The following TMTC2 variants were observed in gnomAD, a reference collection of about 807,000 sequenced individuals.
The protein encoded by TMTC2 is protein O-mannosyl-transferase TMTC2.
TMTC2 carries 43 observed loss-of-function variants against 82.4 expected under a neutral mutation model. That is an observed-to-expected ratio of 0.52 (90% confidence interval 0.41 to 0.67). The LOEUF is 0.67. Among genes scored for constraint, TMTC2 ranks in the 30% least tolerant of loss-of-function variants. TMTC2 has a pLI of 0.00. For missense variants in TMTC2, 919 were observed against 1,012.4 expected, an observed-to-expected ratio of 0.91 and a Z score of 1.25; for synonymous variants, 408 against 381.9, an observed-to-expected ratio of 1.07 and a Z score of -0.80.
At position 82,857,400 on chromosome 12, in the gene TMTC2, C is replaced by A; in HGVS notation, c.474C>A (p.His158Gln). 1 of 1,614,202 alleles carries A rather than the reference C, an allele frequency of 6.2e-7. No homozygotes were observed. Among genetic ancestry groups the A allele is most frequent in the Non-Finnish European group, 8.5e-7 (1 of 1,180,040 alleles). The change falls in exon 2 of 12, where the codon CAC (histidine) becomes CAA (glutamine). Residue 158 changes from histidine (H) to glutamine (Q), a missense_variant. Physicochemically the swap from His to Gln is conservative, Grantham distance 24. Transcript: ENST00000321196. ...FLLSLLCYIK[H>Q]CSTRGYSART... ...TCTCCTTGCTCTGCTACATTAAACACTGTTCTACAAGAGGCTACTCAGCCA... is the reference window on the plus strand; with the variant it reads ...TCTCCTTGCTCTGCTACATTAAACAATGTTCTACAAGAGGCTACTCAGCCA...
intron 11 of TMTC2, among the ~76,000 whole-genome samples, chr12:83,104,770 G>A (rs1884340883): frequency 6.6e-6 from 1 of 152,188 alleles, no homozygotes; most frequent in Non-Finnish European, 1.5e-5. Context: ...AATACCTCTA[G>A]CAAGTGGTTG....
At chr12:83,069,000 T>A (rs1883015944) in intron 11 of TMTC2, among the ~76,000 whole-genome samples, 2 of 152,274 alleles carry the variant, frequency 1.3e-5, no homozygotes, top group East Asian at 3.9e-4. Context: ...AGAATAATAG[T>A]CTCCAGTCTC....
At chr12:82,928,726 G>T (rs1049315761) in intron 3 of TMTC2, among the ~76,000 whole-genome samples, 1 of 152,156 alleles carries the variant, frequency 6.6e-6, no homozygotes, top group South Asian at 2.1e-4. Flanking sequence ...CTCATCTGGG[G>T]AATGGGCACT....
At chr12:82,875,952 G>A (rs1002546853) in intron 2 of TMTC2, among the ~76,000 whole-genome samples, 2 of 143,904 alleles carry the variant, frequency 1.4e-5, no homozygotes, top group African/African-American at 5.1e-5. Flanking sequence ...TGTTGTAGCA[G>A]TTTAGTATCT....
At position 82,867,078 on chromosome 12, in the gene TMTC2, G is replaced by C. The variant is rs139393486; in HGVS notation, c.654+9498G>C. Among the ~76,000 whole-genome samples, 93 of 152,284 alleles carry C rather than the reference G, an allele frequency of 6.1e-4. 1 individual carries two copies. The East Asian group carries it at 0.018, about 29-fold the overall frequency. On this transcript the variant is annotated intron_variant, in intron 2 of 11. Coordinates refer to ENST00000321196, the MANE Select transcript of TMTC2 (RefSeq NM_152588.3). ...GCATCTTCGAAGTCAGTGATGATTT[G>C]GTGGTAGGAAGGTCAGTGTGCCCTT...
intron 1 of TMTC2, among the ~76,000 whole-genome samples, chr12:82,726,472 C>A (rs951797894): frequency 6.6e-6 from 1 of 151,738 alleles, no homozygotes; most frequent in Non-Finnish European, 1.5e-5. Flanking sequence ...ACTTTCTCCA[C>A]CAGAGACTTT....
chr12:83,072,844 C>A (rs1291819921), intron 11 of TMTC2, among the ~76,000 whole-genome samples: 2 of 152,080 alleles, frequency 1.3e-5, no homozygotes, highest in Non-Finnish European at 2.9e-5. Context: ...GTTGCCCATT[C>A]TCATGAAATG....
chr12:82,754,407 A>T (rs867470769), intron 1 of TMTC2, among the ~76,000 whole-genome samples: 3 of 152,282 alleles, frequency 2.0e-5, no homozygotes, highest in Middle Eastern at 6.8e-3. Flanking sequence ...TTTTAAATTA[A>T]ATATTTGGAT....
At chr12:82,799,102 C>T (rs1031101796) in intron 1 of TMTC2, among the ~76,000 whole-genome samples, 2 of 152,142 alleles carry the variant, frequency 1.3e-5, no homozygotes, top group African/African-American at 4.8e-5. Flanking sequence ...GTGAGAATTA[C>T]TACCAGGGAA....
At chr12:83,029,674 T>C (rs1881343059) in intron 8 of TMTC2, among the ~76,000 whole-genome samples, 1 of 152,154 alleles carries the variant, frequency 6.6e-6, no homozygotes, top group Admixed American at 6.6e-5. Context: ...ATCCCAGCCA[T>C]GCCAAACAAG....
intron 1 of TMTC2, among the ~76,000 whole-genome samples, chr12:82,828,927 G>A (rs1869594657): frequency 6.6e-6 from 1 of 152,090 alleles, no homozygotes; most frequent in South Asian, 2.1e-4. Context: ...CTGAAAAGTA[G>A]TAGTGCTCTT....
chr12:83,047,407 A>C lies in TMTC2; in HGVS notation c.2153-3497A>C, dbSNP rs555458120. On this transcript the variant is annotated intron_variant, in intron 9 of 11. Coordinates refer to ENST00000321196, the MANE Select transcript of TMTC2 (RefSeq NM_152588.3). ...AATGTTTATTGCTCTATTTTCCATC[A>C]GTTCTCGGCTATATTTCAATGTAAT... Among the ~76,000 whole-genome samples the C allele has an allele frequency of 2.5e-3, 375 of 152,326 alleles. 2 individuals carry two copies. The highest frequency in any genetic ancestry group is 8.7e-3 in the African/African-American group (363 of 41,570).
At chr12:82,689,410 G>A (rs762662312) in intron 1 of TMTC2, among the ~76,000 whole-genome samples, 1 of 152,142 alleles carries the variant, frequency 6.6e-6, no homozygotes, top group Non-Finnish European at 1.5e-5. Context: ...AGTTTGAATA[G>A]TAAGCATTTA....
At chr12:82,846,363 T>A (rs10862515) in intron 1 of TMTC2, among the ~76,000 whole-genome samples, 11,311 of 151,270 alleles carry the variant, frequency 0.075, 987 homozygotes, top group African/African-American at 0.21. Context: ...GTCTTTTTTT[T>A]AAAAAAAACG....
At chr12:82,984,240 A>G (rs1444948642) in intron 7 of TMTC2, among the ~76,000 whole-genome samples, 7 of 152,118 alleles carry the variant, frequency 4.6e-5, no homozygotes, top group Admixed American at 4.6e-4. Context: ...ACATTTTTCA[A>G]CTATCATTTT....
chr12:82,894,444 G>A (rs1873552801), intron 2 of TMTC2, among the ~76,000 whole-genome samples: 1 of 152,172 alleles, frequency 6.6e-6, no homozygotes, highest in Admixed American at 6.5e-5. Flanking sequence ...AGTTGTATAT[G>A]CTTAAGGTAT....
chr12:82,877,068 T>A (rs1218261993), intron 2 of TMTC2, among the ~76,000 whole-genome samples: 1 of 147,724 alleles, frequency 6.8e-6, no homozygotes, highest in Non-Finnish European at 1.5e-5. Context: ...TTTTTTTTTT[T>A]AAATATCAAA....
intron 3 of TMTC2, among the ~76,000 whole-genome samples, chr12:82,929,648 T>C (rs886471495): frequency 6.6e-6 from 1 of 152,270 alleles, no homozygotes; most frequent in Middle Eastern, 3.4e-3. Flanking sequence ...GGACTCTGCT[T>C]TCAGGACTCA....
intron 1 of TMTC2, chr12:82,760,765 T>G: frequency 3.8e-6 from 1 of 260,090 alleles, no homozygotes; most frequent in East Asian, 1.6e-4. Flanking sequence ...TAGATTCTCA[T>G]AGGGTGCAAA....
Sources: allele counts gnomAD v4.1 joint callset (sites outside exome capture counted in the v4.1 genomes callset), GRCh38; gene constraint gnomAD v4.1.1; transcripts MANE v1.5; gene names NCBI Gene and HGNC (gene_info 2026-07-23, HGNC 2026-07-21).